MAP7D2: variants seen among roughly 807,000 people sequenced by gnomAD.
MAP7D2 encodes the protein MAP7 domain containing 2.
MAP7D2 carries 33 observed loss-of-function variants against 63.5 expected under a neutral mutation model. The ratio of observed to expected loss-of-function variants is 0.52; its 90% CI spans 0.39 to 0.70. MAP7D2 has a LOEUF of 0.70. Among genes scored for constraint, MAP7D2 ranks in the 30% least tolerant of loss-of-function variants. The probability of loss-of-function intolerance (pLI) is 0.00; values close to 1 mark genes in which losing one functional copy is unlikely to be tolerated. For synonymous variants in MAP7D2, 224 were observed against 223.7 expected (o/e 1.00, Z -0.01); for missense variants, 626 against 604.0 (o/e 1.04, Z -0.38).
At chrX:20,109,388 T>A (rs2066666221) in intron 1 of MAP7D2, among the ~76,000 whole-genome samples, 1 of 108,239 alleles carries the variant, frequency 9.2e-6, no homozygotes, top group African/African-American at 3.4e-5. Flanking sequence ...GGCATGGTGG[T>A]GCACGCCTGT....
At position 20,010,915 on chromosome X, in the gene MAP7D2, G is replaced by A. The variant is rs1397234559; in HGVS notation, c.2210C>T (p.Pro737Leu). 5 of 1,209,091 alleles carry A rather than the reference G, an allele frequency of 4.1e-6. No individual in the cohort carries two copies. In the Admixed American group the frequency reaches 6.6e-5, roughly 16 times the overall value. Residue 737 changes from proline to leucine, a missense_variant, in exon 16 of 17, where the codon CCG (proline) becomes CTG (leucine). Transcript: ENST00000379643. ...TTCACTGGATCTCTTGGGGAATGTC[G>A]GGGGACCAGTGAAATCTAAGAGATC... ...LQDLLDFTGP[P>L]TFPKRSSENL...
chrX:20,016,032 T>G (rs1488208555), intron 11 of MAP7D2, 62 bp downstream of exon 11: 55 of 926,506 alleles, frequency 5.9e-5, no homozygotes, highest in Non-Finnish European at 1.1e-5. Flanking sequence ...ATTTAACTAA[T>G]TGTACCTACT....
intron 10 of MAP7D2, among the ~76,000 whole-genome samples, chrX:20,019,763 G>A (rs1775302843): frequency 9.0e-6 from 1 of 111,710 alleles, no homozygotes; most frequent in African/African-American, 3.3e-5. Flanking sequence ...CCTGGTTAGC[G>A]CTGTGCAGTC....
intron 1 of MAP7D2, among the ~76,000 whole-genome samples, chrX:20,110,955 T>C (rs929563117): frequency 2.7e-5 from 3 of 111,742 alleles, no homozygotes; most frequent in Non-Finnish European, 5.6e-5. Context: ...GGGACTTGCT[T>C]TGACCACTGA....
Position 20,025,775 on chromosome X carries a change from C to T in MAP7D2, c.1185G>A (p.Pro395=), listed in dbSNP as rs148501612. The T allele has an allele frequency of 1.5e-5, 18 of 1,209,878 alleles. No homozygotes were observed. The East Asian group carries it at 2.1e-4, about 14-fold the overall frequency. ...GCTTCTCTAGGGCTTCCTCTCCTTGCGGGCCAGCAGCCTGCTGAGCCAAGG... is the reference window on the plus strand; with the variant it reads ...GCTTCTCTAGGGCTTCCTCTCCTTGTGGGCCAGCAGCCTGCTGAGCCAAGG... ...EGTLAQQAAG[P]QGEEALEKHV... Residue 395 remains proline (P), a synonymous_variant, in exon 9 of 17, where the codon CCG becomes CCA. Transcript: ENST00000379643.
At chrX:20,111,233 C>T (rs1433400072) in intron 1 of MAP7D2, among the ~76,000 whole-genome samples, 9 of 111,460 alleles carry the variant, frequency 8.1e-5, no homozygotes, top group African/African-American at 2.9e-4. Flanking sequence ...CAGGCAACCC[C>T]CAGAACTATG....
intron 7 of MAP7D2, 105 bp from the exon 8 acceptor site, chrX:20,042,734 T>C: frequency 1.0e-6 from 1 of 999,803 alleles, no homozygotes; most frequent in South Asian, 2.2e-5. Context: ...TTCAGAGGGA[T>C]CGATATGAAG....
At chrX:20,075,757 A>C (rs981149889) in intron 1 of MAP7D2, among the ~76,000 whole-genome samples, 2 of 112,004 alleles carry the variant, frequency 1.8e-5, no homozygotes, top group African/African-American at 6.5e-5. Flanking sequence ...CTATTACATG[A>C]AGTTCTGGTA....
chrX:20,098,569 C>T (rs749128472), intron 1 of MAP7D2, among the ~76,000 whole-genome samples: 11 of 110,452 alleles, frequency 1.0e-4, no homozygotes, highest in African/African-American at 3.0e-4. Flanking sequence ...GGGGGGGGAG[C>T]GGGTAGCAAG....
rs2066081825 is a variant in MAP7D2 at position 20,091,956 on chromosome X, T to C, written c.130+24794A>G. Among the ~76,000 whole-genome samples the C allele has an allele frequency of 2.7e-5, 3 of 112,152 alleles. No individual in the cohort carries two copies. The South Asian group carries it at 1.1e-3, about 41-fold the overall frequency. ...TTTTTAAATTATCCACAAGAAATTA[T>C]AATATCTACAATTCCCAGCAAGAAT... On this transcript the variant is annotated intron_variant, in intron 1 of 16. Transcript: ENST00000379643.
intron 1 of MAP7D2, among the ~76,000 whole-genome samples, chrX:20,114,860 G>C (rs915657552): frequency 2.7e-4 from 30 of 111,819 alleles, no homozygotes; most frequent in African/African-American, 9.8e-4. Flanking sequence ...AAATGCTAAG[G>C]GCCTGGGTAA....
intron 8 of MAP7D2, among the ~76,000 whole-genome samples, chrX:20,039,098 G>A (rs1024224087): frequency 8.9e-6 from 1 of 112,551 alleles, no homozygotes; most frequent in Admixed American, 9.4e-5. Context: ...GAAGAAGGGA[G>A]TCATCAGTAC....
At chrX:20,020,446 C>A (rs1252357629) in intron 10 of MAP7D2, among the ~76,000 whole-genome samples, 1 of 111,325 alleles carries the variant, frequency 9.0e-6, no homozygotes, top group Non-Finnish European at 1.9e-5. Flanking sequence ...TCCTACTTCT[C>A]AACAATTTCC....
rs1237708054 is a variant in MAP7D2 at position 20,052,901 on chromosome X, G to C, written c.572C>G (p.Ala191Gly). The C allele has an allele frequency of 1.7e-6, 2 of 1,208,541 alleles. No individual in the cohort carries two copies. Among genetic ancestry groups the C allele is most frequent in the Admixed American group, 2.2e-5 (1 of 46,076 alleles). Residue 191 changes from alanine (A) to glycine (G), a missense_variant, in exon 5 of 17, where the codon GCA (alanine) becomes GGA (glycine). Transcript: ENST00000379643. ...GCCTCGGTCTGGGGAATAGGATATT[G>C]CCACGGTGGATGAAGACAGGCGTTT... is the stretch of plus-strand genomic sequence containing the variant. Reference protein sequence around the residue: ...MNKRLSSSTVAISYSPDRAHH... With the variant: ...MNKRLSSSTVGISYSPDRAHH...
At chrX:20,042,353 G>A (rs933010577) in intron 8 of MAP7D2, 149 bp downstream of exon 8, 14 of 615,211 alleles carry the variant, frequency 2.3e-5, no homozygotes, top group Non-Finnish European at 3.3e-5. Flanking sequence ...GTCAAGCCAC[G>A]TAACTCCAAG....
intron 1 of MAP7D2, among the ~76,000 whole-genome samples, chrX:20,066,372 C>T (rs1362084509): frequency 9.0e-6 from 1 of 111,655 alleles, no homozygotes; most frequent in African/African-American, 3.3e-5. Flanking sequence ...AAGGCCTGGC[C>T]CACAGTGTAG....
chrX:20,094,505 T>C lies in MAP7D2; in HGVS notation c.130+22245A>G, dbSNP rs1394219534. ...ATACATACATATATATATATATATA[T>C]ATATATATATGTATATATATATATA... On this transcript the variant is annotated intron_variant, in intron 1 of 16. Transcript: ENST00000379643. 9.4e-3 allele frequency among the ~76,000 whole-genome samples: 193 copies of C among 20,474 alleles called. 8 individuals carry two copies. Among genetic ancestry groups the C allele is most frequent in the Non-Finnish European group, 0.013 (156 of 11,830 alleles). The allele number at this position is 20,474 out of a possible 115,157, so 17.8% of individuals were successfully genotyped here.
At chrX:20,097,757 C>G (rs1473030994) in intron 1 of MAP7D2, among the ~76,000 whole-genome samples, 1 of 111,530 alleles carries the variant, frequency 9.0e-6, no homozygotes. Flanking sequence ...GTGGGAAGTG[C>G]TGTCCTGCTA....
chrX:20,109,892 C>T (rs921090349), intron 1 of MAP7D2, among the ~76,000 whole-genome samples: 4 of 109,724 alleles, frequency 3.6e-5, no homozygotes, highest in South Asian at 3.9e-4. Context: ...AAAAATTAGC[C>T]GGTTGTGGTG....
Sources: allele counts gnomAD v4.1 joint callset (sites outside exome capture counted in the v4.1 genomes callset), GRCh38; gene constraint gnomAD v4.1.1; transcripts MANE v1.5; gene names NCBI Gene and HGNC (gene_info 2026-07-23, HGNC 2026-07-21).